Variants in RBFOX1 observed in about 807,000 individuals in gnomAD.
RBFOX1 encodes RNA binding fox-1 homolog 1.
RBFOX1 carries 8 observed loss-of-function variants against 57.7 expected under a neutral mutation model. The observed-to-expected ratio is 0.14, with a 90% CI of 0.08 to 0.25. The LOEUF is 0.25. Among genes scored for constraint, RBFOX1 ranks in the 10% least tolerant of loss-of-function variants. The pLI is 1.00. For missense variants in RBFOX1, 611 were observed against 548.5 expected (o/e 1.11, Z -1.14); for synonymous variants, 326 against 222.4 (o/e 1.47, Z -4.15).
At chr16:7,251,166 C>A (rs1451796222) in intron 4 of RBFOX1, among the ~76,000 whole-genome samples, 10 of 152,096 alleles carry the variant, frequency 6.6e-5, no homozygotes, top group Middle Eastern at 3.2e-3. Flanking sequence ...CCAACCCTCA[C>A]CAACCCCAAT....
At chr16:5,496,030 GTAGA>G (rs2042990727) in intron 2 of RBFOX1, among the ~76,000 whole-genome samples, 1 of 152,168 alleles carries the variant, frequency 6.6e-6, no homozygotes, top group Non-Finnish European at 1.5e-5. Context: ...GGAGGCTGAG[GTAGA>G]AGAATTGCTT....
intron 4 of RBFOX1, among the ~76,000 whole-genome samples, chr16:7,446,067 A>T (rs2098805349): frequency 6.6e-6 from 1 of 152,178 alleles, no homozygotes; most frequent in Admixed American, 6.5e-5. Context: ...CTGCTACTCC[A>T]TCTTGTCTGA....
intron 3 of RBFOX1, among the ~76,000 whole-genome samples, chr16:6,769,351 C>T (rs62016070): frequency 0.089 from 13,554 of 152,184 alleles, 638 homozygotes; most frequent in East Asian, 0.13. Flanking sequence ...GTCTTTCTCC[C>T]GTAAGTTGCC....
chr16:5,743,870 C>A (rs764679327), intron 3 of RBFOX1, among the ~76,000 whole-genome samples: 3 of 152,086 alleles, frequency 2.0e-5, no homozygotes, highest in Non-Finnish European at 4.4e-5. Flanking sequence ...GCACATAACA[C>A]GGTATTGTTA....
intron 13 of RBFOX1, among the ~76,000 whole-genome samples, chr16:7,674,246 G>A (rs1472562130): frequency 1.3e-5 from 2 of 152,118 alleles, no homozygotes; most frequent in Non-Finnish European, 2.9e-5. Flanking sequence ...ATTATTACAT[G>A]TTTCAGGGAT....
At chr16:7,058,488 G>A (rs1330181084) in intron 4 of RBFOX1, among the ~76,000 whole-genome samples, 1 of 152,134 alleles carries the variant, frequency 6.6e-6, no homozygotes, top group Admixed American at 6.5e-5. Flanking sequence ...GCACTTTGTA[G>A]CCTTGTACAT....
At chr16:7,489,140 G>T (rs1259581650) in intron 4 of RBFOX1, among the ~76,000 whole-genome samples, 2 of 152,018 alleles carry the variant, frequency 1.3e-5, no homozygotes, top group Admixed American at 6.6e-5. Context: ...CTGTTTCTCT[G>T]CCTCTGTCTG....
intron 1 of RBFOX1, among the ~76,000 whole-genome samples, chr16:6,173,719 C>T (rs1388457300): frequency 2.0e-5 from 3 of 147,668 alleles, no homozygotes; most frequent in African/African-American, 7.6e-5. Flanking sequence ...AAGTGATTCT[C>T]CCGCCTGAAC....
chr16:5,937,893 G>A (rs1216454243), intron 4 of RBFOX1, among the ~76,000 whole-genome samples: 1 of 151,790 alleles, frequency 6.6e-6, no homozygotes, highest in East Asian at 1.9e-4. Context: ...ATTGCAAAAT[G>A]TGGTTTTCAG....
intron 3 of RBFOX1, among the ~76,000 whole-genome samples, chr16:5,719,232 C>G (rs2051836929): frequency 7.4e-6 from 1 of 134,740 alleles, no homozygotes; most frequent in Middle Eastern, 4.4e-3. Context: ...GAGACGGAGT[C>G]TTGCCATCTC....
chr16:6,795,323 G>A (rs1162442937), intron 3 of RBFOX1, among the ~76,000 whole-genome samples: 2 of 152,030 alleles, frequency 1.3e-5, no homozygotes, highest in African/African-American at 2.4e-5. Context: ...TTCCAACACT[G>A]GTTTCAGGGC....
chr16:6,643,028 C>G (rs572030241), intron 2 of RBFOX1, among the ~76,000 whole-genome samples: 3 of 152,192 alleles, frequency 2.0e-5, no homozygotes, highest in Admixed American at 6.5e-5. Context: ...TCGGAATATT[C>G]TTTGCCCTGA....
intron 2 of RBFOX1, among the ~76,000 whole-genome samples, chr16:6,516,861 G>A (rs532110721): frequency 4.6e-5 from 7 of 152,138 alleles, no homozygotes; most frequent in Non-Finnish European, 7.3e-5. Context: ...ATACAGTGGG[G>A]TATTATGGGA....
At chr16:5,303,621 C>G (rs151094068) in intron 1 of RBFOX1, among the ~76,000 whole-genome samples, 2 of 152,204 alleles carry the variant, frequency 1.3e-5, no homozygotes, top group Admixed American at 1.3e-4. Flanking sequence ...GCGCTTGGGT[C>G]CCTTCCTCTC....
At chr16:6,042,672 G>T (rs770198511) in intron 1 of RBFOX1, among the ~76,000 whole-genome samples, 17 of 152,104 alleles carry the variant, frequency 1.1e-4, no homozygotes, top group Non-Finnish European at 2.1e-4. Context: ...AGTCTCTGGT[G>T]GTCCTAAGAA....
At chr16:5,296,261 A>C (rs991549585) in intron 1 of RBFOX1, among the ~76,000 whole-genome samples, 1 of 151,896 alleles carries the variant, frequency 6.6e-6, no homozygotes, top group African/African-American at 2.4e-5. Flanking sequence ...GTGTAGATGC[A>C]TCTTTGAGGG....
Position 6,207,750 on chromosome 16 carries a change from C to T in RBFOX1, c.-126-109245C>T, listed in dbSNP as rs1338120718. The stretch of plus-strand genomic sequence containing the variant: ...TCACTCAGGCTGGAGTGCAGTGGTG[C>T]GCATGTAAGTAACTGTAGCCTCAAA... On this transcript the variant is annotated intron_variant, in intron 1 of 15. Coordinates refer to ENST00000550418, the MANE Select transcript of RBFOX1 (RefSeq NM_018723.4). Among the ~76,000 whole-genome samples, 5 of 152,000 alleles carry T rather than the reference C, an allele frequency of 3.3e-5. No individual in the cohort carries two copies. The South Asian group carries it at 8.3e-4, about 25-fold the overall frequency.
intron 2 of RBFOX1, among the ~76,000 whole-genome samples, chr16:6,549,481 GAGGGGA>G (rs2096951136): frequency 1.0e-5 from 1 of 98,942 alleles, no homozygotes; most frequent in Non-Finnish European, 2.1e-5. Context: ...GAGGGAGGAG[GAGGGGA>G]AGAGGAAGAG....
intron 3 of RBFOX1, among the ~76,000 whole-genome samples, chr16:6,839,381 G>T (rs1010151445): frequency 1.3e-5 from 2 of 152,192 alleles, no homozygotes; most frequent in African/African-American, 4.8e-5. Flanking sequence ...GCTGAGGTTA[G>T]GTTGTCAGCT....
Sources: allele counts gnomAD v4.1 joint callset (sites outside exome capture counted in the v4.1 genomes callset), GRCh38; gene constraint gnomAD v4.1.1; transcripts MANE v1.5; gene names NCBI Gene and HGNC (gene_info 2026-07-23, HGNC 2026-07-21).